The following PCDHA4 variants were observed in gnomAD, a reference collection of about 807,000 sequenced individuals.
PCDHA4 encodes protocadherin alpha 4.
PCDHA4 carries 49 observed loss-of-function variants against 61.4 expected under a neutral mutation model. That is an observed-to-expected ratio of 0.80 (90% CI 0.63 to 1.01). The LOEUF (loss-of-function observed/expected upper bound fraction) is 1.01. Ranked by LOEUF, PCDHA4 falls within the 50% of genes least tolerant of loss-of-function variation. The pLI, the probability that PCDHA4 is intolerant of heterozygous loss-of-function variation, is 0.00. For missense variants in PCDHA4, 1,254 were observed against 1,235.8 expected, an observed-to-expected ratio of 1.01 and a Z score of -0.22; for synonymous variants, 590 against 550.3, an observed-to-expected ratio of 1.07 and a Z score of -1.01.
At chr5:140,848,357 TG>T in intron 1 of PCDHA4, 1 of 1,035,374 alleles carries the variant, frequency 9.7e-7, no homozygotes, top group Non-Finnish European at 1.4e-6. Flanking sequence ...CCTTTTCCCA[TG>T]GGAAAGAGGC....
intron 1 of PCDHA4, chr5:140,842,164 T>A (rs1246524333): frequency 1.3e-5 from 21 of 1,613,778 alleles, no homozygotes; most frequent in Non-Finnish European, 1.6e-5. Context: ...CATATTCTTT[T>A]AATAGCCTTG....
intron 1 of PCDHA4, among the ~76,000 whole-genome samples, chr5:140,969,881 G>A (rs1554232131): frequency 6.6e-6 from 1 of 152,196 alleles, no homozygotes; most frequent in African/African-American, 2.4e-5. Context: ...CTATGTGATA[G>A]GATCCTCTGG....
chr5:140,810,537 A>G (rs1554125510), intron 1 of PCDHA4: 1 of 152,218 alleles, frequency 6.6e-6, no homozygotes. Context: ...TGACTTTTGT[A>G]ATCTCATTTT....
chr5:140,871,302 G>T lies in PCDHA4; in HGVS notation c.2385+61730G>T, dbSNP rs2052939724. ...CGCCCACTGAGGGCGCGTGCGCGCCGGGGAAGCCCACGCTGGTGTGCTCCC... is the reference window on the plus strand; with the variant it reads ...CGCCCACTGAGGGCGCGTGCGCGCCTGGGAAGCCCACGCTGGTGTGCTCCC... On this transcript the variant is annotated intron_variant, in intron 1 of 3. Coordinates refer to ENST00000530339, the MANE Select transcript of PCDHA4 (RefSeq NM_018907.4). 1.9e-6 allele frequency: 3 copies of T among 1,613,974 alleles called. 1 individual carries two copies. Among genetic ancestry groups the T allele is most frequent in the South Asian group, 2.2e-5 (2 of 91,078 alleles).
At position 140,807,809 on chromosome 5, in the gene PCDHA4, A is replaced by AT. The variant is rs782733777; in HGVS notation, c.629dup (p.Leu210PhefsTer7). The AT allele has an allele frequency of 6.8e-6, 11 of 1,613,960 alleles. 1 individual carries two copies. In the African/African-American group the frequency reaches 8.0e-5, roughly 12 times the overall value. On this transcript the variant is annotated frameshift_variant, in exon 1 of 4. Coordinates refer to ENST00000530339, the MANE Select transcript of PCDHA4 (RefSeq NM_018907.4). LOFTEE classifies it high-confidence loss of function. ...TTTAGACAGAGAAGAAGCTCCGGAG[A>AT]TTTTTTTAGTGCTCACAGCCACTGA...
chr5:140,841,647 T>A (rs1580971695), intron 1 of PCDHA4: 1 of 1,614,144 alleles, frequency 6.2e-7, no homozygotes, highest in East Asian at 2.2e-5. Context: ...CTGGAGGTGA[T>A]CGTGGACAGG....
Position 140,837,042 on chromosome 5 carries a change from A to G in PCDHA4, c.2385+27470A>G, listed in dbSNP as rs188335781. 9.1e-5 allele frequency: 19 copies of G among 209,806 alleles called. No homozygotes were observed. In the Admixed American group the frequency reaches 9.5e-4, roughly 10 times the overall value. 13.0% of individuals were successfully genotyped at this position (209,806 alleles called of 1,614,324 possible). ...CTTCTATAGTGTATTTACAAAATCA[A>G]ATATTTACATTTCCATATTTTGATA... On this transcript the variant is annotated intron_variant, in intron 1 of 3. Coordinates refer to ENST00000530339, the MANE Select transcript of PCDHA4 (RefSeq NM_018907.4).
intron 1 of PCDHA4, chr5:140,927,197 A>G: frequency 6.2e-7 from 1 of 1,614,150 alleles, no homozygotes; most frequent in African/African-American, 1.3e-5. Flanking sequence ...CTGGTGCTCG[A>G]GGACCCGCTG....
chr5:140,904,265 T>C (rs2070995327), intron 1 of PCDHA4, among the ~76,000 whole-genome samples: 1 of 152,118 alleles, frequency 6.6e-6, no homozygotes, highest in Non-Finnish European at 1.5e-5. Context: ...CTCCCACTTA[T>C]GAATGAGAAC....
chr5:140,962,046 G>A (rs2095653396), intron 1 of PCDHA4, among the ~76,000 whole-genome samples: 1 of 151,964 alleles, frequency 6.6e-6, no homozygotes, highest in African/African-American at 2.4e-5. Flanking sequence ...ACCATGCCTG[G>A]CTAATTTTTT....
At chr5:140,915,766 T>G (rs2077298451) in intron 1 of PCDHA4, among the ~76,000 whole-genome samples, 1 of 151,974 alleles carries the variant, frequency 6.6e-6, no homozygotes, top group African/African-American at 2.4e-5. Context: ...CTGGGTCTTG[T>G]CCAAGGCCTG....
intron 1 of PCDHA4, chr5:140,926,987 G>T: frequency 6.2e-7 from 1 of 1,610,996 alleles, no homozygotes; most frequent in African/African-American, 1.3e-5. Context: ...GAGACGGAGC[G>T]GGGCGTAGCC....
chr5:140,920,054 C>A (rs1332238212), intron 1 of PCDHA4, among the ~76,000 whole-genome samples: 1 of 152,150 alleles, frequency 6.6e-6, no homozygotes, highest in Non-Finnish European at 1.5e-5. Context: ...CAGCCACCAA[C>A]ACCTGGAAAA....
chr5:140,966,938 G>T, intron 1 of PCDHA4: 1 of 1,604,146 alleles, frequency 6.2e-7, no homozygotes, highest in African/African-American at 1.3e-5. Flanking sequence ...CGGCGCGCTC[G>T]TGGGCAACGT....
At chr5:140,958,495 C>A (rs559117374) in intron 1 of PCDHA4, among the ~76,000 whole-genome samples, 1 of 152,020 alleles carries the variant, frequency 6.6e-6, no homozygotes, top group Non-Finnish European at 1.5e-5. Flanking sequence ...TCCACATATC[C>A]TAGGAGGCAT....
chr5:140,823,485 T>C, intron 1 of PCDHA4: 1 of 1,613,360 alleles, frequency 6.2e-7, no homozygotes, highest in South Asian at 1.1e-5. Flanking sequence ...CTCGAGTGGG[T>C]GGCACCGGCG....
intron 1 of PCDHA4, chr5:140,928,265 A>T (rs1208273188): frequency 4.3e-6 from 7 of 1,614,188 alleles, no homozygotes; most frequent in Non-Finnish European, 4.2e-6. Flanking sequence ...GCTGAAAACA[A>T]TGGCCCTGGG....
chr5:140,896,386 C>T (rs575002506), intron 1 of PCDHA4, among the ~76,000 whole-genome samples: 1 of 152,124 alleles, frequency 6.6e-6, no homozygotes, highest in African/African-American at 2.4e-5. Context: ...TGCAACCTCA[C>T]CAGCATCTGT....
At chr5:140,941,718 T>G (rs910042752) in intron 1 of PCDHA4, among the ~76,000 whole-genome samples, 1 of 152,204 alleles carries the variant, frequency 6.6e-6, no homozygotes, top group African/African-American at 2.4e-5. Context: ...CCACAATTTG[T>G]CCTAGCAGTT....
Sources: gnomAD v4.1 joint callset for allele counts (sites outside exome capture counted in the v4.1 genomes callset) on GRCh38, gnomAD v4.1.1 for gene constraint, MANE v1.5 for transcripts, NCBI Gene and HGNC (gene_info 2026-07-23, HGNC 2026-07-21) for gene names.